Variants in PSD3 observed in about 807,000 individuals in gnomAD.
PSD3 encodes PH and SEC7 domain-containing protein 3.
Under a neutral mutation model 105.5 loss-of-function variants are expected in PSD3, and 49 were observed. That is an observed-to-expected ratio of 0.46 (90% confidence interval 0.37 to 0.59). The LOEUF (loss-of-function observed/expected upper bound fraction) is 0.59, where lower values mean the gene tolerates loss of function less well. PSD3 is among the 20% of genes least tolerant of loss of function. The pLI is 0.00. For synonymous variants in PSD3, 557 were observed against 457.8 expected, an observed-to-expected ratio of 1.22 and a Z score of -2.77; for missense variants, 1,561 against 1,263.8, an observed-to-expected ratio of 1.24 and a Z score of -3.57.
chr8:18,793,395 G>T (rs1167759515), intron 8 of PSD3, among the ~76,000 whole-genome samples: 1 of 145,670 alleles, frequency 6.9e-6, no homozygotes, highest in Admixed American at 6.8e-5. Context: ...AAACAAAACT[G>T]GGTGACGAGA....
intron 14 of PSD3, among the ~76,000 whole-genome samples, chr8:18,570,943 T>G (rs1802097436): frequency 6.6e-6 from 1 of 151,876 alleles, no homozygotes; most frequent in Admixed American, 6.6e-5. Context: ...CACTGCAACC[T>G]CAGCCTCCTG....
chr8:18,548,609 G>A (rs996986491), intron 15 of PSD3, among the ~76,000 whole-genome samples: 1 of 152,176 alleles, frequency 6.6e-6, no homozygotes, highest in African/African-American at 2.4e-5. Flanking sequence ...AGTGCTGAGA[G>A]CCTCCCATTT....
intron 4 of PSD3, among the ~76,000 whole-genome samples, chr8:18,851,528 G>A (rs375422600): frequency 2.6e-5 from 4 of 152,302 alleles, no homozygotes; most frequent in East Asian, 1.9e-4. Flanking sequence ...CAAGCTCTTC[G>A]CTCTCCTACA....
chr8:19,017,571 A>C (rs552624277), upstream of PSD3, among the ~76,000 whole-genome samples: 19 of 152,244 alleles, frequency 1.2e-4, no homozygotes, highest in South Asian at 3.9e-3. Context: ...TTTTCCCTCC[A>C]AACCCCTCAG....
At chr8:18,683,361 A>C (rs1800488598) in intron 9 of PSD3, among the ~76,000 whole-genome samples, 2 of 152,328 alleles carry the variant, frequency 1.3e-5, no homozygotes, top group South Asian at 4.1e-4. Flanking sequence ...CAGGGGAGGA[A>C]AGGAAAAAGG....
At chr8:18,809,548 C>T (rs766321627) in intron 4 of PSD3, among the ~76,000 whole-genome samples, 6 of 152,148 alleles carry the variant, frequency 3.9e-5, no homozygotes, top group Non-Finnish European at 7.4e-5. Context: ...AGTGTAAGTA[C>T]GTCCCAAATA....
chr8:18,544,874 C>T (rs1800364929), intron 15 of PSD3, among the ~76,000 whole-genome samples: 1 of 152,140 alleles, frequency 6.6e-6, no homozygotes, highest in African/African-American at 2.4e-5. Flanking sequence ...CCTGGACAGG[C>T]CCTTCAGAGA....
At chr8:18,566,480 C>A (rs1454837705) in intron 14 of PSD3, among the ~76,000 whole-genome samples, 1 of 146,180 alleles carries the variant, frequency 6.8e-6, no homozygotes, top group East Asian at 2.0e-4. Flanking sequence ...GAGCCGAGAT[C>A]AAGCCACTGC....
At chr8:18,790,509 A>T (rs974544374) in intron 8 of PSD3, among the ~76,000 whole-genome samples, 3 of 151,844 alleles carry the variant, frequency 2.0e-5, no homozygotes, top group African/African-American at 7.3e-5. Context: ...TCACCATGTT[A>T]GCCAGGATGG....
At position 18,655,656 on chromosome 8, in the gene PSD3, C is replaced by T. The variant is rs1199157272; in HGVS notation, c.2202G>A (p.Lys734=). 6.2e-7 allele frequency: 1 copy of T among 1,613,946 alleles called. No homozygotes were observed. Reference sequence around the variant, plus strand: ...AGCACACTTACACTGCCCATTCAAGCTTCTCATTCTTGATTGAGTTGTACA... The same window carrying T: ...AGCACACTTACACTGCCCATTCAAGTTTCTCATTCTTGATTGAGTTGTACA... ...KALYNSIKNE[K]LEWAVDDEEK... Residue 734 remains lysine (K), a synonymous_variant, in exon 10 of 16, where the codon AAG becomes AAA. Coordinates refer to ENST00000327040, the MANE Select transcript of PSD3 (RefSeq NM_015310.4).
intron 2 of PSD3, among the ~76,000 whole-genome samples, chr8:18,934,875 A>G (rs1400524175): frequency 6.6e-6 from 1 of 152,226 alleles, no homozygotes; most frequent in Non-Finnish European, 1.5e-5. Flanking sequence ...TTTCCATAAA[A>G]TTACACGTTT....
chr8:18,913,250 C>T (rs923988736), intron 2 of PSD3, among the ~76,000 whole-genome samples: 25 of 152,200 alleles, frequency 1.6e-4, no homozygotes, highest in Non-Finnish European at 1.0e-4. Flanking sequence ...TCCTCTCTCT[C>T]GTTTTCCAAA....
intron 9 of PSD3, among the ~76,000 whole-genome samples, chr8:18,665,750 C>T (rs181483221): frequency 1.3e-5 from 2 of 152,112 alleles, no homozygotes; most frequent in Admixed American, 6.5e-5. Flanking sequence ...ATTTGAGAGG[C>T]TGAGGTGAGA....
intron 9 of PSD3, among the ~76,000 whole-genome samples, chr8:18,684,326 C>T (rs1326359485): frequency 6.6e-6 from 1 of 151,962 alleles, no homozygotes; most frequent in Admixed American, 6.6e-5. Context: ...AAAAGCAACA[C>T]TATTTCTCTT....
intron 11 of PSD3, among the ~76,000 whole-genome samples, chr8:18,628,784 C>T (rs1444155955): frequency 6.6e-6 from 1 of 151,474 alleles, no homozygotes; most frequent in East Asian, 1.9e-4. Flanking sequence ...ACACTGTAAA[C>T]CTTGCAGCAA....
At chr8:18,955,772 A>ATTTAT (rs1823529622) in intron 1 of PSD3, among the ~76,000 whole-genome samples, 2 of 151,152 alleles carry the variant, frequency 1.3e-5, no homozygotes, top group South Asian at 2.1e-4. Context: ...TTATTTATTT[A>ATTTAT]TTTATTTTAT....
At position 18,804,704 on chromosome 8, in the gene PSD3, T is replaced by A; in HGVS notation, c.1829A>T (p.Asn610Ile). Reference protein sequence around the residue: ...RSDVAKHLGKNNEFSKLVAEE... With the variant: ...RSDVAKHLGKINEFSKLVAEE... ...ACTCCAGCAATGGGTCAGAACGTAC[T>A]TCTTGCCAAGGTGTTTTGCAACATC... is the stretch of plus-strand genomic sequence containing the variant. Residue 610 changes from asparagine (N) to isoleucine (I), a missense_variant and splice_region_variant, in exon 5 of 16, where the codon AAC becomes ATC. By Grantham distance (149) the Asn-to-Ile change is moderately radical (BLOSUM62 -3). Coordinates refer to ENST00000327040, the MANE Select transcript of PSD3 (RefSeq NM_015310.4). 6.2e-7 allele frequency: 1 copy of A among 1,613,816 alleles called. No homozygotes were observed. The highest frequency in any genetic ancestry group is 1.1e-5 in the South Asian group (1 of 90,956).
chr8:19,061,958 T>A (rs1828911272), intron 1 of PSD3, among the ~76,000 whole-genome samples: 1 of 152,190 alleles, frequency 6.6e-6, no homozygotes, highest in African/African-American at 2.4e-5. Context: ...TCCCTCCCCA[T>A]CTGGGTAAAA....
chr8:18,656,735 G>C (rs1032921040), intron 9 of PSD3, among the ~76,000 whole-genome samples: 2 of 151,904 alleles, frequency 1.3e-5, no homozygotes, highest in African/African-American at 4.8e-5. Context: ...AAGACACAGG[G>C]TCTTGCTGTG....
Sources: gnomAD v4.1 joint callset for allele counts (sites outside exome capture counted in the v4.1 genomes callset) on GRCh38, gnomAD v4.1.1 for gene constraint, MANE v1.5 for transcripts, NCBI Gene and HGNC (gene_info 2026-07-23, HGNC 2026-07-21) for gene names.